WWOX: variants seen among roughly 807,000 people sequenced by gnomAD.
The protein encoded by WWOX is WW domain-containing oxidoreductase.
In WWOX, 69 loss-of-function variants were observed where a neutral mutation model predicts 46.2. The observed-to-expected ratio is 1.49, with a 90% CI of 1.23 to 1.82. The LOEUF is 1.82. Ranked by LOEUF, WWOX falls within the 40% of genes most tolerant of loss-of-function variation. The pLI, the probability that WWOX is intolerant of heterozygous loss-of-function variation, is 0.00. For missense variants in WWOX, 919 were observed against 542.6 expected, an observed-to-expected ratio of 1.69 and a Z score of -6.89; for synonymous variants, 359 against 202.6, an observed-to-expected ratio of 1.77 and a Z score of -6.56.
intron 8 of WWOX, among the ~76,000 whole-genome samples, chr16:79,007,139 G>A (rs2047207456): frequency 6.6e-6 from 1 of 152,154 alleles, no homozygotes; most frequent in Admixed American, 6.5e-5. Context: ...CAAGATCCTT[G>A]CACTTCCAAA....
chr16:78,971,173 T>C (rs2046461293), intron 8 of WWOX, among the ~76,000 whole-genome samples: 1 of 151,870 alleles, frequency 6.6e-6, no homozygotes, highest in Admixed American at 6.6e-5. Context: ...GAGATAGACT[T>C]TTTAGGGCCG....
At chr16:78,865,558 A>G (rs2043985308) in intron 8 of WWOX, among the ~76,000 whole-genome samples, 1 of 152,134 alleles carries the variant, frequency 6.6e-6, no homozygotes, top group Non-Finnish European at 1.5e-5. Context: ...GAATGAATTG[A>G]GGCAAGGTAG....
chr16:78,731,845 CTTTT>C (rs200790501), intron 8 of WWOX, among the ~76,000 whole-genome samples: 6 of 129,112 alleles, frequency 4.6e-5, no homozygotes, highest in Admixed American at 1.9e-4. Context: ...TTTTCTTTCT[CTTTT>C]TTTTTTTTTT....
chr16:78,314,944 G>C (rs1310047504), intron 5 of WWOX, among the ~76,000 whole-genome samples: 2 of 152,026 alleles, frequency 1.3e-5, no homozygotes, highest in Non-Finnish European at 2.9e-5. Context: ...TAACACATGG[G>C]ATGGGAATTC....
At chr16:78,245,509 T>G (rs931649950) in intron 5 of WWOX, among the ~76,000 whole-genome samples, 80 of 152,236 alleles carry the variant, frequency 5.3e-4, no homozygotes, top group African/African-American at 1.8e-3. Context: ...GAGCTTGGCT[T>G]CAGAGCCAGG....
chr16:79,048,335 C>A (rs940487117), intron 8 of WWOX, among the ~76,000 whole-genome samples: 1 of 152,200 alleles, frequency 6.6e-6, no homozygotes, highest in East Asian at 1.9e-4. Flanking sequence ...CAGCCCCACA[C>A]ACATGCCGGT....
chr16:78,758,830 C>T (rs1398062834), intron 8 of WWOX, among the ~76,000 whole-genome samples: 1 of 150,528 alleles, frequency 6.6e-6, no homozygotes, highest in African/African-American at 2.4e-5. Context: ...TCTCAGTTGC[C>T]ATATTTGTAT....
intron 8 of WWOX, among the ~76,000 whole-genome samples, chr16:79,201,261 A>T (rs937194004): frequency 6.6e-6 from 1 of 151,984 alleles, no homozygotes; most frequent in African/African-American, 2.4e-5. Flanking sequence ...GACTGAAGAG[A>T]TGATATTGAT....
At chr16:78,576,442 G>C (rs532033017) in intron 8 of WWOX, among the ~76,000 whole-genome samples, 4 of 152,278 alleles carry the variant, frequency 2.6e-5, no homozygotes, top group African/African-American at 9.6e-5. Context: ...GTCTGGAGGC[G>C]TTGGGCTTGG....
intron 8 of WWOX, among the ~76,000 whole-genome samples, chr16:79,095,756 C>T (rs182467055): frequency 6.6e-6 from 1 of 151,952 alleles, no homozygotes; most frequent in Non-Finnish European, 1.5e-5. Context: ...AGGGACAAAC[C>T]TCACAAATAG....
chr16:78,634,811 G>GGAGA (rs541433739), intron 8 of WWOX, among the ~76,000 whole-genome samples: 3,541 of 127,702 alleles, frequency 0.028, 85 homozygotes, highest in African/African-American at 0.062. Context: ...GCACCCGACT[G>GGAGA]GAGAGAGAGA....
chr16:78,883,095 A>T (rs1043430699), intron 8 of WWOX, among the ~76,000 whole-genome samples: 2 of 152,180 alleles, frequency 1.3e-5, no homozygotes, highest in Non-Finnish European at 2.9e-5. Context: ...GGTCCAGAAA[A>T]GGGTAGATAT....
At chr16:78,260,673 A>T (rs1284612054) in intron 5 of WWOX, among the ~76,000 whole-genome samples, 1 of 149,846 alleles carries the variant, frequency 6.7e-6, no homozygotes, top group Non-Finnish European at 1.5e-5. Flanking sequence ...ATCTAAAAAA[A>T]AAAATTAGTT....
chr16:79,164,890 G>T (rs772172511), intron 8 of WWOX, among the ~76,000 whole-genome samples: 1 of 151,996 alleles, frequency 6.6e-6, no homozygotes, highest in Non-Finnish European at 1.5e-5. Context: ...CACAAACCAG[G>T]CAAACCCACA....
At chr16:78,797,358 T>TAAAAAA (rs57291441) in intron 8 of WWOX, among the ~76,000 whole-genome samples, 1,481 of 116,322 alleles carry the variant, frequency 0.013, 19 homozygotes, top group East Asian at 0.044. Flanking sequence ...GTCAAAGTGG[T>TAAAAAA]AAAAAAAAAA....
intron 6 of WWOX, among the ~76,000 whole-genome samples, chr16:78,404,275 CTTA>C (rs2082475583): frequency 1.3e-5 from 2 of 152,068 alleles, no homozygotes; most frequent in Non-Finnish European, 2.9e-5. Flanking sequence ...CCAGTGGTAT[CTTA>C]TTATTTTTCG....
At chr16:78,620,740 G>A (rs1448285806) in intron 8 of WWOX, among the ~76,000 whole-genome samples, 1 of 151,854 alleles carries the variant, frequency 6.6e-6, no homozygotes, top group African/African-American at 2.4e-5. Flanking sequence ...ATGCATATTT[G>A]CATAGAAATA....
intron 8 of WWOX, among the ~76,000 whole-genome samples, chr16:78,740,007 C>T (rs981853620): frequency 6.6e-6 from 1 of 152,102 alleles, no homozygotes; most frequent in East Asian, 1.9e-4. Flanking sequence ...AGGAGTCGAG[C>T]CCTGTGGTGT....
chr16:78,757,071 T>C (rs953655741), intron 8 of WWOX: 2 of 701,098 alleles, frequency 2.9e-6, no homozygotes, highest in East Asian at 2.7e-5. Context: ...CTTGAGGTGA[T>C]TGCAGCCTTT....
Sources: gnomAD v4.1 joint callset for allele counts (sites outside exome capture counted in the v4.1 genomes callset) on GRCh38, gnomAD v4.1.1 for gene constraint, MANE v1.5 for transcripts, NCBI Gene and HGNC (gene_info 2026-07-23, HGNC 2026-07-21) for gene names.